The following TRPA1 variants were observed in gnomAD, a reference collection of about 807,000 sequenced individuals.
TRPA1 encodes transient receptor potential cation channel subfamily A member 1.
A neutral mutation model predicts 131.3 loss-of-function variants in TRPA1; 129 were observed. That is an observed-to-expected ratio of 0.98 (90% confidence interval 0.85 to 1.14). The LOEUF (loss-of-function observed/expected upper bound fraction) is 1.14, where lower values mean the gene tolerates loss of function less well. Among genes scored for constraint, TRPA1 ranks in the 50% most tolerant of loss-of-function variants. The probability of loss-of-function intolerance (pLI) is 0.00; values close to 1 mark genes in which losing one functional copy is unlikely to be tolerated. For synonymous variants in TRPA1, 441 were observed against 451.7 expected, an observed-to-expected ratio of 0.98 and a Z score of 0.30; for missense variants, 1,304 against 1,354.2, an observed-to-expected ratio of 0.96 and a Z score of 0.58.
upstream of TRPA1, among the ~76,000 whole-genome samples, chr8:72,077,978 AG>A (rs1746612755): frequency 1.3e-5 from 2 of 151,992 alleles, no homozygotes; most frequent in South Asian, 4.1e-4. Context: ...GACATTACAC[AG>A]GACCTTATTC....
rs1163173932 is a variant in TRPA1 at position 72,021,337 on chromosome 8, T to C, written c.*1569A>G. 4.6e-5 allele frequency: 7 copies of C among 152,176 alleles called. No homozygotes were observed. Among genetic ancestry groups the C allele is most frequent in the Non-Finnish European group, 1.0e-4 (7 of 68,028 alleles). 9.4% of individuals were successfully genotyped at this position (152,176 alleles called of 1,614,324 possible). On this transcript the variant is annotated 3_prime_UTR_variant, in exon 27 of 27. Transcript: ENST00000262209. ...TTCTTGGCACTCAGTGAATGTTGAC[T>C]GAGATCTATATTGTGCAATGCTACA...
chr8:72,055,178 C>CAATT (rs923402295), intron 12 of TRPA1: 53 of 421,910 alleles, frequency 1.3e-4, no homozygotes, highest in African/African-American at 1.2e-3. Flanking sequence ...TGCACAAAGC[C>CAATT]AATTATTCTG....
intron 2 of TRPA1, among the ~76,000 whole-genome samples, chr8:72,070,012 T>A (rs902206107): frequency 2.6e-5 from 4 of 152,210 alleles, no homozygotes; most frequent in Non-Finnish European, 4.4e-5. Context: ...TTTCCACATA[T>A]TTCTGCAATA....
intron 20 of TRPA1, among the ~76,000 whole-genome samples, chr8:72,037,637 A>G (rs941371381): frequency 6.6e-6 from 1 of 152,112 alleles, no homozygotes; most frequent in East Asian, 1.9e-4. Context: ...AAACATTTAC[A>G]TTTAAAATTA....
intron 23 of TRPA1, among the ~76,000 whole-genome samples, chr8:72,030,361 C>T (rs1294284574): frequency 1.3e-5 from 2 of 152,198 alleles, no homozygotes; most frequent in Non-Finnish European, 2.9e-5. Flanking sequence ...GGTTTCTATA[C>T]ATACATTTTG....
chr8:72,047,757 T>C (rs1184520454), intron 15 of TRPA1, among the ~76,000 whole-genome samples: 1 of 152,144 alleles, frequency 6.6e-6, no homozygotes, highest in Non-Finnish European at 1.5e-5. Context: ...GAATTTTGTA[T>C]CTACACTTGG....
At chr8:72,088,170 G>A in the TRPA1 span, among the ~76,000 whole-genome samples, 7 of 152,144 alleles carry the variant, frequency 4.6e-5, no homozygotes, top group Non-Finnish European at 8.8e-5. Flanking sequence ...AATTGACTTT[G>A]TGTTCAGATC....
intron 14 of TRPA1, among the ~76,000 whole-genome samples, chr8:72,051,115 T>C (rs1805495387): frequency 6.6e-6 from 1 of 152,198 alleles, no homozygotes. Flanking sequence ...ATAATCATTG[T>C]TCTGTCTCTT....
chr8:72,089,023 T>A, the TRPA1 span, among the ~76,000 whole-genome samples: 4 of 152,226 alleles, frequency 2.6e-5, no homozygotes, highest in Non-Finnish European at 5.9e-5. Context: ...TCATTTGTTT[T>A]ACAGCAAATC....
In TRPA1 at chr8:72,054,159, G is replaced by T. The variant is rs953254132; in HGVS notation, c.1530-292C>A. ...GGGGTAGGAGAAGTACGCTTAGCAT[G>T]TCTGTGTCATACCTAATTTTTTTAA... On this transcript the variant is annotated intron_variant, in intron 12 of 26. Coordinates refer to ENST00000262209, the MANE Select transcript of TRPA1 (RefSeq NM_007332.3). 2.2e-5 allele frequency: 9 copies of T among 401,830 alleles called. No individual in the cohort carries two copies. The Admixed American group carries it at 2.7e-4, about 12-fold the overall frequency. 24.9% of individuals were successfully genotyped at this position (401,830 alleles called of 1,614,324 possible).
intron 1 of TRPA1, among the ~76,000 whole-genome samples, chr8:72,072,879 T>TTA (rs1320533317): frequency 6.6e-6 from 1 of 152,148 alleles, no homozygotes; most frequent in Non-Finnish European, 1.5e-5. Context: ...ACTATTGAAT[T>TTA]CACAATAACA....
intron 16 of TRPA1, among the ~76,000 whole-genome samples, 200 bp from the exon 17 acceptor site, chr8:72,046,808 C>A (rs950759692): frequency 2.0e-5 from 3 of 151,944 alleles, no homozygotes; most frequent in Non-Finnish European, 4.4e-5. Flanking sequence ...ATCCTGGAAG[C>A]CTGTTATTCA....
chr8:72,089,558 G>C, the TRPA1 span, among the ~76,000 whole-genome samples: 3 of 151,966 alleles, frequency 2.0e-5, no homozygotes, highest in Non-Finnish European at 4.4e-5. Context: ...TTTGTCTTCA[G>C]TCTATAAAGA....
chr8:72,072,313 A>T (rs949435777), intron 1 of TRPA1, among the ~76,000 whole-genome samples: 16 of 152,246 alleles, frequency 1.1e-4, no homozygotes, highest in Non-Finnish European at 1.5e-5. Context: ...AAAATGAAGT[A>T]TTAAGGTATT....
At chr8:72,084,739 C>A in the TRPA1 span, among the ~76,000 whole-genome samples, 2 of 147,566 alleles carry the variant, frequency 1.4e-5, no homozygotes, top group East Asian at 4.0e-4. Context: ...GCAACCTCTG[C>A]CTCCCTGGTT....
At chr8:72,039,944 A>T (rs1812194642) in intron 17 of TRPA1, 147 bp from the exon 18 acceptor site, 1 of 638,324 alleles carries the variant, frequency 1.6e-6, no homozygotes, top group Non-Finnish European at 2.7e-6. Flanking sequence ...TAAAAATTAG[A>T]TCAAGGTTTT....
intron 14 of TRPA1, among the ~76,000 whole-genome samples, chr8:72,051,604 G>A (rs566735895): frequency 9.9e-5 from 15 of 152,152 alleles, no homozygotes; most frequent in African/African-American, 2.7e-4. Flanking sequence ...ATGATCAGTC[G>A]GAGATTTTTT....
intron 14 of TRPA1, 60 bp from the exon 15 acceptor site, chr8:72,050,931 G>T: frequency 8.4e-7 from 1 of 1,191,842 alleles, no homozygotes; most frequent in Non-Finnish European, 1.2e-6. Flanking sequence ...CTGTACAACA[G>T]CTGAAACTCA....
chr8:72,025,971 C>A lies in TRPA1; in HGVS notation c.3040G>T (p.Gly1014Trp), dbSNP rs985314007. ...TTATGTGTACTTACGAATAACATCCCACCAGATCTGGGTTTGTTGGGATAC... is the reference window on the plus strand; with the variant it reads ...TTATGTGTACTTACGAATAACATCCAACCAGATCTGGGTTTGTTGGGATAC... Reference protein sequence around the residue: ...IVYPNKPRSGGMLFHIFCFLF... With the variant: ...IVYPNKPRSGWMLFHIFCFLF... The change falls in exon 25 of 27, where the codon GGG becomes TGG. Residue 1014 changes from glycine (G) to tryptophan (W), a missense_variant. Coordinates refer to ENST00000262209, the MANE Select transcript of TRPA1 (RefSeq NM_007332.3). The A allele has an allele frequency of 1.9e-6, 3 of 1,613,634 alleles. No homozygotes were observed. Among genetic ancestry groups the A allele is most frequent in the Non-Finnish European group, 2.5e-6 (3 of 1,179,670 alleles).
Sources: allele counts gnomAD v4.1 joint callset (sites outside exome capture counted in the v4.1 genomes callset), GRCh38; gene constraint gnomAD v4.1.1; transcripts MANE v1.5; gene names NCBI Gene and HGNC (gene_info 2026-07-23, HGNC 2026-07-21).